ANK3: variants seen among roughly 807,000 people sequenced by gnomAD.
ANK3 encodes ankyrin-3.
ANK3 carries 57 observed loss-of-function variants against 370.9 expected under a neutral mutation model. The observed-to-expected ratio is 0.15, with a 90% CI of 0.12 to 0.19. The LOEUF (loss-of-function observed/expected upper bound fraction) is 0.19. Among genes scored for constraint, ANK3 ranks in the 10% least tolerant of loss-of-function variants. The pLI, the probability that ANK3 is intolerant of heterozygous loss-of-function variation, is 1.00. For synonymous variants in ANK3, 1,929 were observed against 1,946.3 expected (o/e 0.99, Z 0.23); for missense variants, 4,439 against 5,302.1 (o/e 0.84, Z 5.06).
chr10:60,650,009 C>T (rs949914066), intron 1 of ANK3, among the ~76,000 whole-genome samples: 6 of 152,172 alleles, frequency 3.9e-5, no homozygotes, highest in Non-Finnish European at 7.3e-5. Context: ...GCCTGGGTCC[C>T]TGAGGGTCTA....
chr10:60,208,010 C>A (rs1228540102), intron 10 of ANK3, 26 bp downstream of exon 10: 1 of 1,604,724 alleles, frequency 6.2e-7, no homozygotes, highest in Admixed American at 1.7e-5. Flanking sequence ...ACAACTGAGG[C>A]TGGACTCGCT....
chr10:60,137,393 C>CAAAAAAA (rs2094401214), intron 24 of ANK3: 1 of 110,796 alleles, frequency 9.0e-6, no homozygotes, highest in Admixed American at 1.1e-4. Context: ...AAAAAAAAAA[C>CAAAAAAA]AAGAAATAGA....
At chr10:60,335,756 G>A (rs570102241) in intron 1 of ANK3, among the ~76,000 whole-genome samples, 5 of 152,254 alleles carry the variant, frequency 3.3e-5, no homozygotes, top group East Asian at 1.9e-4. Flanking sequence ...TGAGGTAATA[G>A]TATAATTGAT....
chr10:60,622,976 C>G (rs991745328), intron 1 of ANK3, among the ~76,000 whole-genome samples: 4 of 152,188 alleles, frequency 2.6e-5, no homozygotes, highest in African/African-American at 9.7e-5. Flanking sequence ...AGAATTTCCC[C>G]TAACCACCTC....
intron 1 of ANK3, among the ~76,000 whole-genome samples, chr10:60,686,047 C>T (rs12413149): frequency 0.01 from 1,534 of 152,058 alleles, 35 homozygotes; most frequent in East Asian, 0.081. Flanking sequence ...AAATAAAAAT[C>T]GAATTTTTAT....
chr10:60,084,456 A>G, intron 32 of ANK3, 146 bp downstream of exon 32: 1 of 420,438 alleles, frequency 2.4e-6, no homozygotes, highest in Non-Finnish European at 4.1e-6. Flanking sequence ...AAAAAATTTG[A>G]GTATTAATCT....
At chr10:60,125,635 C>G (rs898690239) in intron 25 of ANK3, among the ~76,000 whole-genome samples, 1 of 152,088 alleles carries the variant, frequency 6.6e-6, no homozygotes, top group Non-Finnish European at 1.5e-5. Flanking sequence ...TAGAAATTAG[C>G]TTATGTGAAA....
At chr10:60,036,045 A>T (rs1054381434) in intron 43 of ANK3, among the ~76,000 whole-genome samples, 1 of 152,144 alleles carries the variant, frequency 6.6e-6, no homozygotes, top group African/African-American at 2.4e-5. Context: ...ACCTGTCATT[A>T]ACTGCACTCA....
chr10:60,587,786 C>T (rs2077852790), intron 2 of ANK3, among the ~76,000 whole-genome samples: 1 of 152,138 alleles, frequency 6.6e-6, no homozygotes, highest in Admixed American at 6.5e-5. Context: ...AATATTAATC[C>T]TGTCTTTACT....
At chr10:60,654,135 T>C (rs1162027624) in intron 1 of ANK3, among the ~76,000 whole-genome samples, 1 of 152,228 alleles carries the variant, frequency 6.6e-6, no homozygotes, top group Admixed American at 6.5e-5. Flanking sequence ...ATTGCTACTA[T>C]ATAGAGATAC....
At chr10:60,377,283 T>TA (rs771672787) in intron 1 of ANK3, among the ~76,000 whole-genome samples, 3 of 152,198 alleles carry the variant, frequency 2.0e-5, no homozygotes, top group Non-Finnish European at 4.4e-5. Context: ...AGGTAGCAGA[T>TA]ATGTGGCCAG....
intron 1 of ANK3, among the ~76,000 whole-genome samples, chr10:60,305,391 A>G (rs1377607863): frequency 1.2e-4 from 17 of 146,812 alleles, no homozygotes; most frequent in Admixed American, 1.1e-3. Context: ...TCTAGGCAGG[A>G]CATTCGTGTC....
intron 2 of ANK3, among the ~76,000 whole-genome samples, chr10:60,492,632 A>G (rs112347834): frequency 0.12 from 18,134 of 145,378 alleles, 1,325 homozygotes; most frequent in African/African-American, 0.2. Context: ...GCGTGAACCC[A>G]GGAGGCAGAG....
intron 4 of ANK3, among the ~76,000 whole-genome samples, chr10:60,276,314 T>C (rs2098088981): frequency 6.6e-6 from 1 of 152,200 alleles, no homozygotes; most frequent in African/African-American, 2.4e-5. Flanking sequence ...AATATTAATA[T>C]TTCTGTCCTG....
intron 1 of ANK3, among the ~76,000 whole-genome samples, chr10:60,625,502 C>G (rs1249672182): frequency 6.6e-6 from 1 of 152,126 alleles, no homozygotes; most frequent in Non-Finnish European, 1.5e-5. Flanking sequence ...ACGCAAAGAG[C>G]TTGACAACAT....
chr10:60,644,881 G>T (rs1328734962), intron 1 of ANK3, among the ~76,000 whole-genome samples: 28 of 96,406 alleles, frequency 2.9e-4, no homozygotes, highest in South Asian at 2.7e-3. Context: ...ATTACAGATA[G>T]TTTTAGTTTA....
intron 1 of ANK3, among the ~76,000 whole-genome samples, chr10:60,679,268 G>A (rs997714891): frequency 6.6e-6 from 1 of 152,176 alleles, no homozygotes; most frequent in South Asian, 2.1e-4. Flanking sequence ...TAGTTAAGCG[G>A]ACATAAGCAG....
intron 2 of ANK3, among the ~76,000 whole-genome samples, chr10:60,501,224 G>A (rs1795794644): frequency 1.3e-5 from 2 of 152,272 alleles, no homozygotes; most frequent in South Asian, 2.1e-4. Flanking sequence ...GCAGGCAGGA[G>A]GTGAGAGGAG....
intron 28 of ANK3, among the ~76,000 whole-genome samples, chr10:60,093,601 G>A (rs576265555): frequency 2.2e-4 from 33 of 152,154 alleles, no homozygotes; most frequent in Non-Finnish European, 4.3e-4. Context: ...AGGATTAAAA[G>A]TAGAAAGAAA....
Sources: allele counts gnomAD v4.1 joint callset (sites outside exome capture counted in the v4.1 genomes callset), GRCh38; gene constraint gnomAD v4.1.1; transcripts MANE v1.5; gene names NCBI Gene and HGNC (gene_info 2026-07-23, HGNC 2026-07-21).